Variants in SLC26A4 observed in about 807,000 individuals in gnomAD.
SLC26A4 encodes the protein pendrin.
Under a neutral mutation model 90.4 loss-of-function variants are expected in SLC26A4, and 93 were observed. That is an observed-to-expected ratio of 1.03 (90% CI 0.87 to 1.22). The LOEUF (loss-of-function observed/expected upper bound fraction) is 1.22, where lower values mean the gene tolerates loss of function less well. SLC26A4 is among the 50% of genes most tolerant of loss of function. SLC26A4 has a pLI of 0.00. For missense variants in SLC26A4, 1,127 were observed against 946.2 expected (o/e 1.19, Z -2.51); for synonymous variants, 393 against 354.6 (o/e 1.11, Z -1.22).
At chr7:107,693,724 C>T in intron 10 of SLC26A4, 3 of 991,642 alleles carry the variant, frequency 3.0e-6, no homozygotes, top group Non-Finnish European at 3.6e-6. Flanking sequence ...TTCCTTTTAC[C>T]CCTGCTATTG....
intron 8 of SLC26A4, among the ~76,000 whole-genome samples, chr7:107,686,599 T>G (rs150034364): frequency 3.3e-5 from 5 of 151,958 alleles, no homozygotes; most frequent in Non-Finnish European, 7.4e-5. Flanking sequence ...GCAATTCTCC[T>G]GCCTCAGCCT....
intron 6 of SLC26A4, among the ~76,000 whole-genome samples, chr7:107,679,295 A>G (rs897863445): frequency 2.0e-5 from 3 of 152,196 alleles, no homozygotes; most frequent in Non-Finnish European, 4.4e-5. Context: ...TAGATTTGTT[A>G]CTTTGTACCT....
chr7:107,672,294 T>G, intron 4 of SLC26A4, 46 bp downstream of exon 4: 1 of 1,305,502 alleles, frequency 7.7e-7, no homozygotes, highest in Non-Finnish European at 1.1e-6. Flanking sequence ...ATGTTTAAAG[T>G]GTTTTGGCTA....
chr7:107,681,324 CTCT>C (rs1291703852), intron 6 of SLC26A4, among the ~76,000 whole-genome samples: 1 of 152,080 alleles, frequency 6.6e-6, no homozygotes, highest in African/African-American at 2.4e-5. Context: ...CATTTCCTTA[CTCT>C]TCTTGAATGT....
intron 6 of SLC26A4, among the ~76,000 whole-genome samples, chr7:107,677,608 ATT>A (rs770690458): frequency 1.1e-4 from 16 of 143,332 alleles, no homozygotes; most frequent in African/African-American, 2.0e-4. Flanking sequence ...TTAAAAAAGA[ATT>A]TTTTTTTTTT....
intron 19 of SLC26A4, 142 bp downstream of exon 19, chr7:107,710,341 TA>T: frequency 1.4e-6 from 1 of 693,410 alleles, no homozygotes. Context: ...TTTTCATCAG[TA>T]AAATGGAAGT....
rs187447337 is a variant in SLC26A4 at position 107,663,356 on chromosome 7, C to G, written c.225C>G (p.Leu75=). 1.5e-4 allele frequency: 248 copies of G among 1,614,050 alleles called. No homozygotes were observed. Among genetic ancestry groups the G allele is most frequent in the East Asian group, 9.4e-4 (42 of 44,878 alleles). ...LKTLVPILEW[L]PKYRVKEWLL... ...CTCTTGTGCCCATCTTGGAGTGGCT[C>G]CCCAAATACCGAGTCAAGGAATGGC... The change falls in exon 3 of 21, where the codon CTC becomes CTG. Residue 75 remains leucine (L), a synonymous_variant. Coordinates refer to ENST00000644269, the MANE Select transcript of SLC26A4 (RefSeq NM_000441.2).
intron 6 of SLC26A4, among the ~76,000 whole-genome samples, chr7:107,678,285 C>G (rs1337341604): frequency 6.6e-6 from 1 of 152,186 alleles, no homozygotes. Flanking sequence ...ACTGTTCACT[C>G]CCTATACAAA....
Position 107,686,294 on chromosome 7 carries a change from A to C in SLC26A4, c.1001+2757A>C, listed in dbSNP as rs942620512. On this transcript the variant is annotated intron_variant, in intron 8 of 20. Coordinates refer to ENST00000644269, the MANE Select transcript of SLC26A4 (RefSeq NM_000441.2). ...CTTCCCTCCCTTCCCTCCCTTTCCTACCTTCCCTCCCTTCCCTCCCTTCCC... is the reference window on the plus strand; with the variant it reads ...CTTCCCTCCCTTCCCTCCCTTTCCTCCCTTCCCTCCCTTCCCTCCCTTCCC... Among the ~76,000 whole-genome samples the C allele has an allele frequency of 3.7e-3, 394 of 106,968 alleles. 4 individuals carry two copies. Among genetic ancestry groups the C allele is most frequent in the Middle Eastern group, 0.011 (2 of 184 alleles). The allele number at this position is 106,968 out of a possible 152,430, so 70.2% of individuals were successfully genotyped here. A position where few individuals can be genotyped will look rare whatever the true frequency, so the allele number is the denominator to read the frequency against.
In SLC26A4 at chr7:107,715,781, T is replaced by A; in HGVS notation, c.*335T>A. On this transcript the variant is annotated 3_prime_UTR_variant, in exon 21 of 21. Transcript: ENST00000644269. ...GTGAGTGCTGACCCAACAGCCTCTG[T>A]GGTCAAGCGAGTCACGAATGATTAA... 1 of 373,338 alleles carries A rather than the reference T, an allele frequency of 2.7e-6. No individual in the cohort carries two copies. The highest frequency in any genetic ancestry group is 4.9e-6 in the Non-Finnish European group (1 of 203,766). The allele number at this position is 373,338 out of a possible 1,614,324, so 23.1% of individuals were successfully genotyped here.
In SLC26A4 at chr7:107,683,528, T is replaced by A. The variant is rs1000313632; in HGVS notation, c.992T>A (p.Ile331Asn). 3.1e-6 allele frequency: 5 copies of A among 1,613,478 alleles called. No individual in the cohort carries two copies. Among genetic ancestry groups the A allele is most frequent in the African/African-American group, 2.7e-5 (2 of 74,890 alleles). Residue 331 changes from isoleucine (I) to asparagine (N), a missense_variant, in exon 8 of 21, where the codon ATC (isoleucine) becomes AAC (asparagine). Transcript: ENST00000644269. ...TACAATGCTGGCATTGTTAAATCCA[T>A]CCCAAGGGGGTGAGTGTGGTGTTCC... is the stretch of plus-strand genomic sequence containing the variant. ...KNYNAGIVKSIPRGFLPPELP... is the reference protein window; with the variant it reads ...KNYNAGIVKSNPRGFLPPELP...
Position 107,661,339 on chromosome 7 carries a change from G to A in SLC26A4, c.-3-300G>A. ...CCTGGCTGCGGGCCATAGGGGACTG[G>A]GTGGAACTCGGGAAGCCCCCAGAGC... is the stretch of plus-strand genomic sequence containing the variant. On this transcript the variant is annotated intron_variant, in intron 1 of 20. Transcript: ENST00000644269. This position sits in a 1 kb window ranked among gnomAD's most constrained non-coding sequence, Gnocchi z 5.1. The A allele has an allele frequency of 7.7e-6, 4 of 521,404 alleles. No individual in the cohort carries two copies. The highest frequency in any genetic ancestry group is 6.3e-5 in the South Asian group (3 of 47,582). 32.3% of individuals were successfully genotyped at this position (521,404 alleles called of 1,614,324 possible).
intron 3 of SLC26A4, among the ~76,000 whole-genome samples, chr7:107,670,477 C>G (rs1790834385): frequency 6.6e-6 from 1 of 152,094 alleles, no homozygotes; most frequent in African/African-American, 2.4e-5. Context: ...AAAGAGGAAG[C>G]ATACATACCT....
At chr7:107,664,809 C>A (rs1203070213) in intron 3 of SLC26A4, among the ~76,000 whole-genome samples, 1 of 152,134 alleles carries the variant, frequency 6.6e-6, no homozygotes, top group Non-Finnish European at 1.5e-5. Context: ...CCCCTATCCC[C>A]ACCATCTCGT....
At chr7:107,714,341 A>C (rs2129320776) in intron 20 of SLC26A4, among the ~76,000 whole-genome samples, 1 of 152,304 alleles carries the variant, frequency 6.6e-6, no homozygotes, top group South Asian at 2.1e-4. Flanking sequence ...TCTTGAAAAA[A>C]TGTTGCAAAG....
chr7:107,699,448 G>C (rs1791826229), intron 14 of SLC26A4, among the ~76,000 whole-genome samples: 1 of 152,152 alleles, frequency 6.6e-6, no homozygotes, highest in Admixed American at 6.6e-5. Flanking sequence ...TTTAAAGAAT[G>C]TTAGCAAAAT....
In SLC26A4 at chr7:107,661,639, G is replaced by C; in HGVS notation, c.-3G>C. ...CTCCTCGCTGTCCTCTGGCTCGCAGGTCATGGCAGCGCCAGGCGGCAGGTC... is the reference window on the plus strand; with the variant it reads ...CTCCTCGCTGTCCTCTGGCTCGCAGCTCATGGCAGCGCCAGGCGGCAGGTC... On this transcript the variant is annotated splice_region_variant and 5_prime_UTR_variant, in exon 2 of 21. Transcript: ENST00000644269. This position sits in a 1 kb window ranked among gnomAD's most constrained non-coding sequence, Gnocchi z 5.1. 1 of 1,561,092 alleles carries C rather than the reference G, an allele frequency of 6.4e-7. No homozygotes were observed.
At chr7:107,715,329 A>G in intron 20 of SLC26A4, 94 bp from the exon 21 acceptor site, 1 of 975,840 alleles carries the variant, frequency 1.0e-6, no homozygotes, top group Non-Finnish European at 1.7e-6. Context: ...GCAGTAAGCA[A>G]TCAATACTAT....
chr7:107,698,581 A>G (rs1791806181), intron 14 of SLC26A4, among the ~76,000 whole-genome samples: 1 of 152,054 alleles, frequency 6.6e-6, no homozygotes, highest in African/African-American at 2.4e-5. Flanking sequence ...CCTCCCAAAG[A>G]GTTGGGATTA....
Sources: gnomAD v4.1 joint callset for allele counts (sites outside exome capture counted in the v4.1 genomes callset) on GRCh38, gnomAD v4.1.1 for gene constraint, Gnocchi (gnomAD v3.1) non-coding constraint, MANE v1.5 for transcripts, NCBI Gene and HGNC (gene_info 2026-07-23, HGNC 2026-07-21) for gene names.